The following FER variants were observed in gnomAD, a reference collection of about 807,000 sequenced individuals.
FER encodes FER tyrosine kinase.
In FER, 63 loss-of-function variants were observed where a neutral mutation model predicts 111.0. The ratio of observed to expected loss-of-function variants is 0.57; its 90% confidence interval spans 0.46 to 0.70. The LOEUF (loss-of-function observed/expected upper bound fraction) is 0.70. Among genes scored for constraint, FER ranks in the 30% least tolerant of loss-of-function variants. The pLI is 0.00. For missense variants in FER, 914 were observed against 954.0 expected (o/e 0.96, Z 0.55); for synonymous variants, 327 against 313.9 (o/e 1.04, Z -0.44).
chr5:109,003,469 G>C (rs1403247101), intron 13 of FER, among the ~76,000 whole-genome samples: 1 of 152,138 alleles, frequency 6.6e-6, no homozygotes, highest in Non-Finnish European at 1.5e-5. Context: ...CCTGTTGTGG[G>C]TTGGGAGGAG....
chr5:108,980,554 T>C (rs547973570), intron 13 of FER, among the ~76,000 whole-genome samples: 47 of 152,284 alleles, frequency 3.1e-4, no homozygotes, highest in African/African-American at 1.1e-3. Flanking sequence ...CTGATGTATA[T>C]AGAAATGTGA....
At chr5:109,051,741 A>C in intron 16 of FER, 1 of 1,571,830 alleles carries the variant, frequency 6.4e-7, no homozygotes, top group South Asian at 1.1e-5. Context: ...TCTTTCCCTT[A>C]ACCCAATCCT....
chr5:109,114,346 G>T (rs1377136891), intron 17 of FER, among the ~76,000 whole-genome samples: 2 of 152,084 alleles, frequency 1.3e-5, no homozygotes, highest in Non-Finnish European at 2.9e-5. Context: ...TGAGTAGAAA[G>T]AAGTAAACTT....
In FER at chr5:108,921,409, C is replaced by G. The variant is rs533087081; in HGVS notation, c.1236+23561C>G. Among the ~76,000 whole-genome samples the G allele has an allele frequency of 3.9e-5, 6 of 152,206 alleles. No homozygotes were observed. In the South Asian group the frequency reaches 1.0e-3, roughly 26 times the overall value. On this transcript the variant is annotated intron_variant, in intron 10 of 19. Transcript: ENST00000281092. ...TCCCTGCTTGTTCCTTAAACTGTAG[C>G]TCTCAGAAGGTAGGCACTTTCATTA...
chr5:109,046,609 G>C (rs1249696828), intron 15 of FER, among the ~76,000 whole-genome samples: 2 of 152,048 alleles, frequency 1.3e-5, no homozygotes, highest in African/African-American at 2.4e-5. Flanking sequence ...TTGGGCCTCT[G>C]TCTCCATGGG....
intron 16 of FER, among the ~76,000 whole-genome samples, chr5:109,078,039 C>A (rs1486413482): frequency 6.6e-6 from 1 of 152,124 alleles, no homozygotes. Context: ...CTAGTGTCAG[C>A]AATCACCAGT....
Position 108,835,790 on chromosome 5 carries a change from A to T in FER, c.464A>T (p.Lys155Ile). 1 of 1,551,112 alleles carries T rather than the reference A, an allele frequency of 6.4e-7. No homozygotes were observed. Among genetic ancestry groups the T allele is most frequent in the Non-Finnish European group, 8.7e-7 (1 of 1,155,524 alleles). ...ATGAATTCTGCCAAAGAGAAATATA[A>T]AGAAGCTTTAGCTAAAGGTAAGGCA... ...KEMNSAKEKY[K>I]EALAKGKETE... The change falls in exon 5 of 20, where the codon AAA (lysine) becomes ATA (isoleucine). Residue 155 changes from lysine (K) to isoleucine (I), a missense_variant. Physicochemically the swap from Lys to Ile is moderately radical, Grantham distance 102. Coordinates refer to ENST00000281092, the MANE Select transcript of FER (RefSeq NM_005246.4).
At chr5:109,089,130 G>C (rs985375274) in intron 16 of FER, among the ~76,000 whole-genome samples, 3 of 152,312 alleles carry the variant, frequency 2.0e-5, no homozygotes, top group African/African-American at 7.2e-5. Flanking sequence ...GCTGTGTATA[G>C]GGTGGGTGGC....
chr5:109,004,691 G>A (rs1765265935), intron 13 of FER, among the ~76,000 whole-genome samples: 1 of 152,082 alleles, frequency 6.6e-6, no homozygotes, highest in African/African-American at 2.4e-5. Context: ...GCATTATAGT[G>A]TTGGTGGTTT....
At chr5:108,894,353 C>G (rs1461472768) in intron 9 of FER, 2 of 992,700 alleles carry the variant, frequency 2.0e-6, no homozygotes, top group Middle Eastern at 3.9e-4. Context: ...ATCACTGTTT[C>G]TGCTGCAAGG....
chr5:108,751,271 T>A (rs531523765), intron 1 of FER, among the ~76,000 whole-genome samples: 7 of 152,154 alleles, frequency 4.6e-5, no homozygotes, highest in Non-Finnish European at 1.0e-4. Context: ...AGTATACATG[T>A]ATATACACAC....
chr5:109,127,922 T>G (rs1751919911), intron 17 of FER, among the ~76,000 whole-genome samples: 1 of 152,154 alleles, frequency 6.6e-6, no homozygotes, highest in South Asian at 2.1e-4. Context: ...ATGTTCTTGC[T>G]AGTTTTGGTA....
chr5:109,003,176 A>G (rs996693651), intron 13 of FER, among the ~76,000 whole-genome samples: 6 of 152,262 alleles, frequency 3.9e-5, no homozygotes, highest in African/African-American at 1.2e-4. Context: ...ACGTATGTTT[A>G]TTGAAGCACT....
intron 10 of FER, among the ~76,000 whole-genome samples, chr5:108,923,412 T>A (rs1040222006): frequency 6.6e-6 from 1 of 152,138 alleles, no homozygotes; most frequent in Non-Finnish European, 1.5e-5. Flanking sequence ...GATGTTTATG[T>A]CAGAATTGTG....
intron 17 of FER, among the ~76,000 whole-genome samples, chr5:109,124,472 G>A (rs1224221575): frequency 6.6e-6 from 1 of 152,156 alleles, no homozygotes. Context: ...ATGGCTTTGT[G>A]GAGCCTCCTC....
intron 2 of FER, chr5:108,785,260 G>T (rs1754565269): frequency 1.3e-5 from 7 of 558,420 alleles, no homozygotes; most frequent in Non-Finnish European, 2.4e-5. Flanking sequence ...CCATGCTGTG[G>T]GATCTCAACG....
rs541934916 is a variant in FER at position 109,075,519 on chromosome 5, G to A, written c.1925-24877G>A. 3.3e-5 allele frequency among the ~76,000 whole-genome samples: 5 copies of A among 151,134 alleles called. No individual in the cohort carries two copies. The South Asian group carries it at 1.0e-3, about 32-fold the overall frequency. On this transcript the variant is annotated intron_variant, in intron 16 of 19. Transcript: ENST00000281092. Reference sequence around the variant, plus strand: ...ACTCACTGCAAGCTCCGCCTCCCAGGTTCACACCATTCTCCTGCCTCAGCC... The same window carrying A: ...ACTCACTGCAAGCTCCGCCTCCCAGATTCACACCATTCTCCTGCCTCAGCC...
chr5:109,099,671 GT>G (rs745481509), intron 16 of FER, among the ~76,000 whole-genome samples: 2 of 151,286 alleles, frequency 1.3e-5, no homozygotes, highest in Non-Finnish European at 3.0e-5. Flanking sequence ...AAATTGCACG[GT>G]TTAAAAAAAC....
Position 108,997,290 on chromosome 5 carries a change from C to T in FER, c.1656+37943C>T, listed in dbSNP as rs1274467106. ...AAAATTAGCCGGGCTTGGTGGTGGG[C>T]GCCTGTAGTCCCAGCTACTCGGGAG... On this transcript the variant is annotated intron_variant, in intron 13 of 19. Coordinates refer to ENST00000281092, the MANE Select transcript of FER (RefSeq NM_005246.4). 6.7e-5 allele frequency among the ~76,000 whole-genome samples: 10 copies of T among 148,794 alleles called. 1 individual carries two copies. Among genetic ancestry groups the T allele is most frequent in the Admixed American group, 3.3e-4 (5 of 14,926 alleles).
Sources: allele counts gnomAD v4.1 joint callset (sites outside exome capture counted in the v4.1 genomes callset), GRCh38; gene constraint gnomAD v4.1.1; transcripts MANE v1.5; gene names NCBI Gene and HGNC (gene_info 2026-07-23, HGNC 2026-07-21).